DNAH12: variants seen among roughly 807,000 people sequenced by gnomAD.
DNAH12 encodes axonemal beta dynein heavy chain 12.
Under a neutral mutation model 371.5 loss-of-function variants are expected in DNAH12, and 285 were observed. That is an observed-to-expected ratio of 0.77 (90% confidence interval 0.70 to 0.85). DNAH12 has a LOEUF of 0.85. DNAH12 is among the 40% of genes least tolerant of loss of function. The pLI is 0.00. For synonymous variants in DNAH12, 1,200 were observed against 1,213.0 expected (o/e 0.99, Z 0.22); for missense variants, 3,611 against 3,689.4 (o/e 0.98, Z 0.55).
intron 13 of DNAH12, among the ~76,000 whole-genome samples, chr3:57,482,949 C>T (rs1304027644): frequency 6.6e-6 from 1 of 150,922 alleles, no homozygotes; most frequent in African/African-American, 2.4e-5. Context: ...GGAGGGATAG[C>T]ATTAGGAGAT....
chr3:57,419,736 ATAT>A (rs930516944), intron 36 of DNAH12, among the ~76,000 whole-genome samples: 4 of 152,190 alleles, frequency 2.6e-5, no homozygotes, highest in African/African-American at 7.2e-5. Context: ...TTTAAAAAAT[ATAT>A]TTTTTCAATT....
At chr3:57,398,648 T>A (rs1183047938) in intron 43 of DNAH12, among the ~76,000 whole-genome samples, 1 of 152,192 alleles carries the variant, frequency 6.6e-6, no homozygotes, top group African/African-American at 2.4e-5. Flanking sequence ...AGGTGACATA[T>A]TCTAATTGCA....
chr3:57,485,355 G>A (rs1040166766), intron 12 of DNAH12, among the ~76,000 whole-genome samples: 1 of 152,056 alleles, frequency 6.6e-6, no homozygotes, highest in Non-Finnish European at 1.5e-5. Flanking sequence ...CCATAAAAAG[G>A]AATGAAATAA....
rs546662791 is a variant in DNAH12, at chr3:57,345,102, A to G, written c.9674+6983T>C. Among the ~76,000 whole-genome samples the G allele has an allele frequency of 7.2e-5, 11 of 152,312 alleles. No individual in the cohort carries two copies. The East Asian group carries it at 2.1e-3, about 29-fold the overall frequency. Reference sequence around the variant, plus strand: ...CAATAAAGTATACCAGAAAAATGTTATCAAGGAAATAATAAGAAAAATGCA... The same window carrying G: ...CAATAAAGTATACCAGAAAAATGTTGTCAAGGAAATAATAAGAAAAATGCA... On this transcript the variant is annotated intron_variant, in intron 60 of 73. Transcript: ENST00000495027.
At chr3:57,427,514 A>T (rs2064814609) in intron 34 of DNAH12, among the ~76,000 whole-genome samples, 1 of 151,892 alleles carries the variant, frequency 6.6e-6, no homozygotes, top group Non-Finnish European at 1.5e-5. Flanking sequence ...TGGAGAAACC[A>T]TGTCTCTACT....
chr3:57,344,563 G>C (rs2062491313), intron 60 of DNAH12, among the ~76,000 whole-genome samples: 1 of 151,988 alleles, frequency 6.6e-6, no homozygotes, highest in South Asian at 2.1e-4. Flanking sequence ...ACAGATGAAG[G>C]GATAAAGACA....
chr3:57,470,559 CTCT>C lies in DNAH12; in HGVS notation c.1986_1988del (p.Glu664del). 1 of 1,550,124 alleles carries C rather than the reference CTCT, an allele frequency of 6.5e-7. No homozygotes were observed. ...TTGTCAATTCCCACTTGAAAAGTTC[CTCT>C]TCTTTATTAATAAACTGCACTGCTT... is the stretch of plus-strand genomic sequence containing the variant. On this transcript the variant is annotated inframe_deletion, in exon 16 of 74. Transcript: ENST00000495027.
chr3:57,511,147 C>A (rs1273741525), intron 4 of DNAH12, among the ~76,000 whole-genome samples, 168 bp from the exon 5 acceptor site: 6 of 151,980 alleles, frequency 3.9e-5, no homozygotes, highest in Non-Finnish European at 8.8e-5. Flanking sequence ...ACAAAGAAAC[C>A]ATTTTATCTT....
intron 52 of DNAH12, among the ~76,000 whole-genome samples, chr3:57,378,829 T>C (rs2063332059): frequency 1.3e-5 from 2 of 152,324 alleles, no homozygotes; most frequent in Admixed American, 1.3e-4. Context: ...ACTTTCCCCT[T>C]GATGTTTTAG....
rs752875015 is a variant in DNAH12 at position 57,296,882 on chromosome 3, T to C, written c.11497A>G (p.Thr3833Ala). The change falls in exon 71 of 74, where the codon ACC becomes GCC. Residue 3833 changes from threonine to alanine, a missense_variant. Thr to Ala is a moderately conservative substitution (Grantham distance 58). This residue lies in a region of DNAH12 where 2,266 missense variants were observed against 2,236.9 expected (regional missense o/e 1.01). Coordinates refer to ENST00000495027, the MANE Select transcript of DNAH12 (RefSeq NM_001366028.2). The stretch of plus-strand genomic sequence containing the variant: ...TATCCTAGCAAATCAATAGGGGTGG[T>C]ATATTTTCTGGCATAATTCTGCATA... Reference protein sequence around the residue: ...GAMQNYARKYTTPIDLLGYEF... With the variant: ...GAMQNYARKYATPIDLLGYEF... The C allele has an allele frequency of 3.2e-6, 5 of 1,551,498 alleles. No homozygotes were observed. Among genetic ancestry groups the C allele is most frequent in the Admixed American group, 2.0e-5 (1 of 50,982 alleles).
chr3:57,300,724 T>C (rs1437420320), intron 70 of DNAH12, among the ~76,000 whole-genome samples: 1 of 152,162 alleles, frequency 6.6e-6, no homozygotes, highest in Non-Finnish European at 1.5e-5. Context: ...GATTAGCTTA[T>C]ACAGTGAAAG....
chr3:57,492,117 A>G (rs1442414349), intron 11 of DNAH12, among the ~76,000 whole-genome samples: 1 of 152,160 alleles, frequency 6.6e-6, no homozygotes, highest in Non-Finnish European at 1.5e-5. Flanking sequence ...AGCTATGCTC[A>G]CATCACTGCA....
rs143757438 is a variant in DNAH12, at chr3:57,501,410, C to T, written c.1246G>A (p.Glu416Lys). The change falls in exon 11 of 74, where the codon GAA becomes AAA. Residue 416 changes from glutamate to lysine, a missense_variant and splice_region_variant. By Grantham distance (56) the Glu-to-Lys change is moderately conservative. This residue lies in a region of DNAH12 where 1,314 missense variants were observed against 1,398.7 expected (regional missense o/e 0.94). Transcript: ENST00000495027. The part of the protein sequence containing the change: ...GARKHYETYV[E>K]KYNWLLDGTA... ...CCATCAAGGAGCCAATTATATTTTTCAACTGAAAATTAATAATCTAATTAA... is the reference window on the plus strand; with the variant it reads ...CCATCAAGGAGCCAATTATATTTTTTAACTGAAAATTAATAATCTAATTAA... 484 of 1,579,628 alleles carry T rather than the reference C, an allele frequency of 3.1e-4. No homozygotes were observed. Among genetic ancestry groups the T allele is most frequent in the Non-Finnish European group, 3.9e-4 (452 of 1,169,666 alleles).
chr3:57,313,337 T>C (rs1475406191), intron 66 of DNAH12, among the ~76,000 whole-genome samples: 1 of 151,910 alleles, frequency 6.6e-6, no homozygotes, highest in Non-Finnish European at 1.5e-5. Flanking sequence ...CTCTACAAAA[T>C]ACGTTTAAAA....
chr3:57,498,725 C>T (rs1052979906), intron 11 of DNAH12, among the ~76,000 whole-genome samples: 10 of 152,178 alleles, frequency 6.6e-5, no homozygotes, highest in Admixed American at 4.6e-4. Context: ...TTAGGCTAGG[C>T]GCGGTGGCTC....
In DNAH12 at chr3:57,458,017, T is replaced by C. The variant is rs1336873082; in HGVS notation, c.3054-14A>G. 1 of 1,542,294 alleles carries C rather than the reference T, an allele frequency of 6.5e-7. No individual in the cohort carries two copies. Among genetic ancestry groups the C allele is most frequent in the Non-Finnish European group, 8.7e-7 (1 of 1,142,878 alleles). On this transcript the variant is annotated splice_polypyrimidine_tract_variant and intron_variant, in intron 21 of 73. Transcript: ENST00000495027. Reference sequence around the variant, plus strand: ...AAGAAGAAAAAACTAGGGAAAAACATGCAAATACAAAAGTTTTAGTTATAA... The same window carrying C: ...AAGAAGAAAAAACTAGGGAAAAACACGCAAATACAAAAGTTTTAGTTATAA...
rs778171570 is a variant in DNAH12, at chr3:57,502,291, A to G, written c.1243+32T>C. 5.6e-6 allele frequency: 9 copies of G among 1,607,278 alleles called. No individual in the cohort carries two copies. In the Admixed American group the frequency reaches 1.5e-4, roughly 27 times the overall value. On this transcript the variant is annotated intron_variant, in intron 10 of 73. Coordinates refer to ENST00000495027, the MANE Select transcript of DNAH12 (RefSeq NM_001366028.2). ...ATTCTAGCACAAATAAAGTGATGAC[A>G]AATGGTATAATATTATGTATGTCAT...
intron 27 of DNAH12, 95 bp downstream of exon 27, chr3:57,445,936 C>T: frequency 8.0e-7 from 1 of 1,247,362 alleles, no homozygotes; most frequent in Non-Finnish European, 1.1e-6. Flanking sequence ...TGCAGTGAGC[C>T]AAGATCGCGC....
intron 12 of DNAH12, among the ~76,000 whole-genome samples, chr3:57,488,778 G>A (rs890614280): frequency 2.0e-5 from 3 of 152,118 alleles, no homozygotes; most frequent in Non-Finnish European, 4.4e-5. Context: ...TAACAAATGA[G>A]TTCAATAAAT....
Sources: gnomAD v4.1 joint callset for allele counts (sites outside exome capture counted in the v4.1 genomes callset) on GRCh38, gnomAD v4.1.1 for gene constraint, gnomAD v4.1.1 regional missense constraint, MANE v1.5 for transcripts, NCBI Gene and HGNC (gene_info 2026-07-23, HGNC 2026-07-21) for gene names.